AMPH: variants seen among roughly 807,000 people sequenced by gnomAD.
AMPH encodes the protein amphiphysin (Stiff-Mann syndrome with breast cancer 128kD autoantigen).
A neutral mutation model predicts 99.1 loss-of-function variants in AMPH; 49 were observed. The ratio of observed to expected loss-of-function variants is 0.49; its 90% CI spans 0.39 to 0.63. The LOEUF (loss-of-function observed/expected upper bound fraction) is 0.63, where lower values mean the gene tolerates loss of function less well. AMPH is among the 20% of genes least tolerant of loss of function. The pLI is 0.00. For synonymous variants in AMPH, 314 were observed against 317.3 expected (o/e 0.99, Z 0.11); for missense variants, 759 against 863.4 (o/e 0.88, Z 1.52).
intron 13 of AMPH, among the ~76,000 whole-genome samples, chr7:38,431,430 G>A (rs1401513676): frequency 6.6e-6 from 1 of 152,108 alleles, no homozygotes; most frequent in Non-Finnish European, 1.5e-5. Context: ...GGCCGAGGCG[G>A]GCAGATCACA....
chr7:38,518,675 C>T (rs1346499520), intron 2 of AMPH, among the ~76,000 whole-genome samples: 1 of 152,194 alleles, frequency 6.6e-6, no homozygotes, highest in African/African-American at 2.4e-5. Flanking sequence ...ATTTCACAGG[C>T]TCACAGCTGA....
intron 1 of AMPH, among the ~76,000 whole-genome samples, chr7:38,573,468 G>A (rs1322855944): frequency 1.3e-5 from 2 of 152,164 alleles, no homozygotes; most frequent in African/African-American, 4.8e-5. Flanking sequence ...TGAATCCAAG[G>A]TGTGAGCTTT....
intron 12 of AMPH, among the ~76,000 whole-genome samples, chr7:38,434,315 A>G (rs1786171573): frequency 6.6e-6 from 1 of 152,222 alleles, no homozygotes; most frequent in Non-Finnish European, 1.5e-5. Flanking sequence ...TGATTTATGG[A>G]TTAATGTAAT....
intron 11 of AMPH, among the ~76,000 whole-genome samples, chr7:38,441,745 T>TAG (rs1387908133): frequency 9.1e-5 from 13 of 142,410 alleles, no homozygotes; most frequent in African/African-American, 3.4e-4. Context: ...ATATGACAGA[T>TAG]ATATCATATA....
chr7:38,519,714 G>A (rs568735903), intron 2 of AMPH, among the ~76,000 whole-genome samples: 1 of 152,332 alleles, frequency 6.6e-6, no homozygotes, highest in African/African-American at 2.4e-5. Flanking sequence ...CTTTGCTCTA[G>A]TCTCTGTAGT....
intron 1 of AMPH, among the ~76,000 whole-genome samples, chr7:38,537,654 T>C (rs1790662992): frequency 6.6e-6 from 1 of 152,154 alleles, no homozygotes; most frequent in African/African-American, 2.4e-5. Flanking sequence ...CACCCTTAAG[T>C]AGAAGTAAGG....
chr7:38,543,145 T>C (rs1790871958), intron 1 of AMPH, among the ~76,000 whole-genome samples: 1 of 150,516 alleles, frequency 6.6e-6, no homozygotes, highest in Admixed American at 6.6e-5. Flanking sequence ...TGGTCTCAGC[T>C]ACTTGGGAGG....
rs76476121 is a variant in AMPH at position 38,489,237 on chromosome 7, C to T, written c.396+1813G>A. On this transcript the variant is annotated intron_variant, in intron 5 of 20. Coordinates refer to ENST00000356264, the MANE Select transcript of AMPH (RefSeq NM_001635.4). ...CAAAAAGGGTGCCAAGAATACAGAA[C>T]TGGGAACAGGCAGTCTCCTCAATAA... 0.011 allele frequency among the ~76,000 whole-genome samples: 1,718 copies of T among 152,174 alleles called. 75 individuals are homozygous for T. In the East Asian group the frequency reaches 0.16, roughly 14 times the overall value.
chr7:38,525,772 C>T (rs987742527), intron 2 of AMPH, among the ~76,000 whole-genome samples: 1 of 152,042 alleles, frequency 6.6e-6, no homozygotes, highest in Non-Finnish European at 1.5e-5. Context: ...TGGTGTGTGG[C>T]CGTAGTTATT....
At chr7:38,528,327 C>T (rs561666449) in intron 2 of AMPH, among the ~76,000 whole-genome samples, 2 of 152,246 alleles carry the variant, frequency 1.3e-5, no homozygotes, top group East Asian at 3.9e-4. Flanking sequence ...GATATCAATT[C>T]TTTAAATGTT....
At chr7:38,464,042 C>A (rs1430979391) in intron 9 of AMPH, 2 of 1,288,522 alleles carry the variant, frequency 1.6e-6, no homozygotes, top group Non-Finnish European at 2.0e-6. Context: ...CAGATGGAAA[C>A]ATAGCCCCAA....
chr7:38,570,614 A>AC (rs1049198799), intron 1 of AMPH, among the ~76,000 whole-genome samples: 1 of 152,030 alleles, frequency 6.6e-6, no homozygotes, highest in African/African-American at 2.4e-5. Context: ...GCAATTATGT[A>AC]CAGAACATAA....
At chr7:38,419,332 T>C (rs1427209980) in intron 16 of AMPH, among the ~76,000 whole-genome samples, 2 of 152,176 alleles carry the variant, frequency 1.3e-5, no homozygotes, top group East Asian at 3.9e-4. Context: ...ATTTGTCTTA[T>C]GTTTCCCACC....
chr7:38,418,649 C>T (rs924992021), intron 16 of AMPH, among the ~76,000 whole-genome samples: 37 of 152,242 alleles, frequency 2.4e-4, no homozygotes, highest in African/African-American at 8.7e-4. Flanking sequence ...CTGTTCAGTC[C>T]CTTTTTCCCT....
At chr7:38,524,681 G>A (rs142323043) in intron 2 of AMPH, among the ~76,000 whole-genome samples, 340 of 152,256 alleles carry the variant, frequency 2.2e-3, no homozygotes, top group African/African-American at 7.7e-3. Flanking sequence ...TAGGTGAATG[G>A]TACACAGCAG....
intron 15 of AMPH, among the ~76,000 whole-genome samples, chr7:38,423,220 G>A (rs897540507): frequency 6.6e-6 from 1 of 152,106 alleles, no homozygotes; most frequent in Non-Finnish European, 1.5e-5. Flanking sequence ...GGTTATGTAT[G>A]AACCATATGT....
intron 2 of AMPH, among the ~76,000 whole-genome samples, chr7:38,527,647 G>C (rs145231522): frequency 6.6e-6 from 1 of 152,206 alleles, no homozygotes; most frequent in African/African-American, 2.4e-5. Context: ...TTTCGTTGAC[G>C]TCTTGGGATT....
In AMPH at chr7:38,546,780, G is replaced by A. The variant is rs183694512; in HGVS notation, c.70-11769C>T. Among the ~76,000 whole-genome samples the A allele has an allele frequency of 4.9e-3, 739 of 152,276 alleles. 7 individuals are homozygous for A. The highest frequency in any genetic ancestry group is 4.5e-3 in the Non-Finnish European group (308 of 68,022). ...AGCCTTGCATACAGATAAGTAAAAC[G>A]TGATACTGGAATTGCATTTCGCTAG... On this transcript the variant is annotated intron_variant, in intron 1 of 20. Transcript: ENST00000356264.
chr7:38,417,492 G>C (rs376850133), intron 17 of AMPH, among the ~76,000 whole-genome samples: 5 of 152,278 alleles, frequency 3.3e-5, no homozygotes, highest in African/African-American at 9.6e-5. Flanking sequence ...TTTATCACAT[G>C]CAAGTTCCCT....
Sources: allele counts gnomAD v4.1 joint callset (sites outside exome capture counted in the v4.1 genomes callset), GRCh38; gene constraint gnomAD v4.1.1; transcripts MANE v1.5; gene names NCBI Gene and HGNC (gene_info 2026-07-23, HGNC 2026-07-21).